Variants in TIAM2 observed in about 807,000 individuals in gnomAD.
The protein encoded by TIAM2 is rho guanine nucleotide exchange factor TIAM2.
A neutral mutation model predicts 152.9 loss-of-function variants in TIAM2; 80 were observed. That is an observed-to-expected ratio of 0.52 (90% CI 0.44 to 0.63). TIAM2 has a LOEUF of 0.63. Among genes scored for constraint, TIAM2 ranks in the 30% least tolerant of loss-of-function variants. The probability of loss-of-function intolerance (pLI) is 0.00; values close to 1 mark genes in which losing one functional copy is unlikely to be tolerated. For missense variants in TIAM2, 1,965 were observed against 2,120.1 expected, an observed-to-expected ratio of 0.93 and a Z score of 1.44; for synonymous variants, 804 against 838.0, an observed-to-expected ratio of 0.96 and a Z score of 0.70.
At chr6:155,097,623 G>A (rs1778446268) in intron 2 of TIAM2, among the ~76,000 whole-genome samples, 1 of 152,190 alleles carries the variant, frequency 6.6e-6, no homozygotes, top group Admixed American at 6.5e-5. Flanking sequence ...TTACAGGTGT[G>A]AGCCACCATG....
chr6:155,151,994 G>A (rs2151957), intron 7 of TIAM2, among the ~76,000 whole-genome samples: 77,733 of 151,390 alleles, frequency 0.51, 20,505 homozygotes, highest in South Asian at 0.59. Context: ...ACAGGCGCCC[G>A]CCACCACGCC....
At chr6:155,089,333 A>G (rs1462577387) in intron 1 of TIAM2, among the ~76,000 whole-genome samples, 1 of 152,096 alleles carries the variant, frequency 6.6e-6, no homozygotes, top group Non-Finnish European at 1.5e-5. Flanking sequence ...CAGCCTCCCA[A>G]GTAGTGGGGA....
chr6:155,125,836 T>C (rs1043602377), intron 2 of TIAM2, among the ~76,000 whole-genome samples: 1 of 150,880 alleles, frequency 6.6e-6, no homozygotes, highest in Non-Finnish European at 1.5e-5. Context: ...AGACTCTGTC[T>C]CCAAAAAAAG....
chr6:155,250,863 T>G, intron 21 of TIAM2, 50 bp from the exon 22 acceptor site: 2 of 1,567,758 alleles, frequency 1.3e-6, no homozygotes, highest in South Asian at 2.2e-5. Flanking sequence ...CAAGAGATCA[T>G]CTAGCCTGGG....
intron 25 of TIAM2, 81 bp downstream of exon 25, chr6:155,254,141 T>C: frequency 2.1e-6 from 3 of 1,443,094 alleles, no homozygotes; most frequent in Non-Finnish European, 2.8e-6. Flanking sequence ...TTTAGTGCCC[T>C]CCTGAATTTT....
chr6:155,126,141 C>T (rs1027779620), intron 2 of TIAM2, among the ~76,000 whole-genome samples: 4 of 152,146 alleles, frequency 2.6e-5, no homozygotes, highest in African/African-American at 7.2e-5. Flanking sequence ...GCTATTCAGC[C>T]TTAACAAGGA....
At chr6:155,082,159 C>CA (rs1296189151) in intron 1 of TIAM2, among the ~76,000 whole-genome samples, 1 of 152,012 alleles carries the variant, frequency 6.6e-6, no homozygotes, top group Non-Finnish European at 1.5e-5. Context: ...GCCTGGGTGA[C>CA]ACAGTGAGAC....
rs1456632794 is a variant in TIAM2, at chr6:155,248,083, A to G, written c.3736A>G (p.Ile1246Val). The change falls in exon 20 of 27, where the codon ATC becomes GTC. Residue 1246 changes from isoleucine (I) to valine (V), a missense_variant. Transcript: ENST00000682666. ...TTCCTCCACGCTGGAGTCCTACCTCATCAAGCCGGTTCAGAGAGTGCTCAA... is the reference window on the plus strand; with the variant it reads ...TTCCTCCACGCTGGAGTCCTACCTCGTCAAGCCGGTTCAGAGAGTGCTCAA... ...QHSSTLESYL[I>V]KPVQRVLKYP... 3.7e-6 allele frequency: 6 copies of G among 1,614,214 alleles called. No homozygotes were observed. Among genetic ancestry groups the G allele is most frequent in the Non-Finnish European group, 5.1e-6 (6 of 1,180,038 alleles).
rs112622738 is a variant in TIAM2 at position 155,164,671 on chromosome 6, T to C, written c.2214+71T>C. 3.0e-4 allele frequency: 461 copies of C among 1,530,592 alleles called. No individual in the cohort carries two copies. The African/African-American group carries it at 5.4e-3, about 18-fold the overall frequency. The allele number at this position is 1,530,592 out of a possible 1,614,324, so 94.8% of individuals were successfully genotyped here. A position where few individuals can be genotyped will look rare whatever the true frequency, so the allele number is the denominator to read the frequency against. The stretch of plus-strand genomic sequence containing the variant: ...GCGGATGCTCCCCCTTTCTTCAGCT[T>C]GTTGCCATCGGCACTTGTGGGGCTT... On this transcript the variant is annotated intron_variant, in intron 8 of 26. Transcript: ENST00000682666.
At chr6:155,050,239 C>A (rs1777287748) in intron 1 of TIAM2, among the ~76,000 whole-genome samples, 1 of 152,146 alleles carries the variant, frequency 6.6e-6, no homozygotes, top group African/African-American at 2.4e-5. Flanking sequence ...ACCATGTTGG[C>A]CAGGCTGGTC....
rs1301452208 is a variant in TIAM2, at chr6:155,114,034, ATATTTTTTTTTTTTTCTTT to A, written c.-117-13454_-117-13436del. 5.6e-4 allele frequency among the ~76,000 whole-genome samples: 21 copies of A among 37,768 alleles called. 1 individual carries two copies. The highest frequency in any genetic ancestry group is 2.7e-3 in the African/African-American group (21 of 7,912). 24.8% of individuals were successfully genotyped at this position (37,768 alleles called of 152,430 possible). ...TTACTTTATATATATATATATATAT[ATATTTTTTTTTTTTTCTTT>A]TTTTTTTTTTTTTTTTTTGAAATGG... On this transcript the variant is annotated intron_variant, in intron 2 of 26. Coordinates refer to ENST00000682666, the MANE Select transcript of TIAM2 (RefSeq NM_012454.4).
chr6:155,063,713 T>A (rs551067534), intron 1 of TIAM2, among the ~76,000 whole-genome samples: 7 of 134,442 alleles, frequency 5.2e-5, no homozygotes, highest in Non-Finnish European at 9.1e-5. Flanking sequence ...ACCCAGGAGG[T>A]GGAGGTTTAA....
intron 2 of TIAM2, among the ~76,000 whole-genome samples, chr6:155,103,459 C>G (rs1778592739): frequency 1.3e-5 from 2 of 152,120 alleles, no homozygotes; most frequent in African/African-American, 4.8e-5. Context: ...CGCGGTAGCT[C>G]ACGCCTGTAA....
rs139080393 is a variant in TIAM2, at chr6:155,254,517, C to T, written c.4412C>T (p.Thr1471Met). 931 of 1,614,102 alleles carry T rather than the reference C, an allele frequency of 5.8e-4. 6 individuals carry two copies. The highest frequency in any genetic ancestry group is 3.0e-3 in the Middle Eastern group (18 of 6,062). ...AAGTGTGAATTACCACTGGAGAAAA[C>T]GTGTAAGGATCGCCTGGTACCTCTT... is the stretch of plus-strand genomic sequence containing the variant. ...HIKCELPLEKTCKDRLVPLKN... is the reference protein window; with the variant it reads ...HIKCELPLEKMCKDRLVPLKN... Residue 1471 changes from threonine (T) to methionine (M), a missense_variant, in exon 26 of 27, where the codon ACG becomes ATG. Around this residue, in one of 3 missense-constraint regions of TIAM2, gnomAD observed 935 missense variants for 980.0 expected, o/e 0.95. Transcript: ENST00000682666.
chr6:155,002,009 G>T (rs927943320), intron 1 of TIAM2, among the ~76,000 whole-genome samples: 1 of 152,194 alleles, frequency 6.6e-6, no homozygotes, highest in Non-Finnish European at 1.5e-5. Flanking sequence ...TTATATTGTT[G>T]TTGTCTAGTA....
intron 3 of TIAM2, among the ~76,000 whole-genome samples, chr6:155,127,919 C>A (rs994778941): frequency 2.0e-5 from 3 of 152,196 alleles, no homozygotes; most frequent in Admixed American, 2.0e-4. Context: ...GTAGTTCCAG[C>A]TACTTGGGAG....
chr6:155,187,573 C>CCTTTTTTTTT (rs1189509294), intron 14 of TIAM2, among the ~76,000 whole-genome samples: 20 of 49,618 alleles, frequency 4.0e-4, no homozygotes, highest in African/African-American at 9.5e-4. Flanking sequence ...ACCCCGCCCC[C>CCTTTTTTTTT]TTTTTTTTTT....
Position 155,156,878 on chromosome 6 carries a change from C to T in TIAM2, c.2029-7537C>T, listed in dbSNP as rs1780131206. Among the ~76,000 whole-genome samples, 1 of 152,142 alleles carries T rather than the reference C, an allele frequency of 6.6e-6. No homozygotes were observed. Among genetic ancestry groups the T allele is most frequent in the South Asian group, 2.1e-4 (1 of 4,828 alleles). ...CTCCGCCCTCTTCATCTGGCTCACC[C>T]CTTCTCGACTGTCATGAAGGGTTTA... is the stretch of plus-strand genomic sequence containing the variant. On this transcript the variant is annotated intron_variant, in intron 7 of 26. Transcript: ENST00000682666. The surrounding 1 kb of genome is among the most constrained non-coding windows in gnomAD (Gnocchi z 4.4).
chr6:155,079,941 T>G lies in TIAM2; in HGVS notation c.-208-10348T>G, dbSNP rs920728665. On this transcript the variant is annotated intron_variant, in intron 1 of 26. Coordinates refer to ENST00000682666, the MANE Select transcript of TIAM2 (RefSeq NM_012454.4). ...CCAGCCTGGTTAATAGAGTGAGACCTTGTCTCAGAAACAAAAAACAAAAAA... is the reference window on the plus strand; with the variant it reads ...CCAGCCTGGTTAATAGAGTGAGACCGTGTCTCAGAAACAAAAAACAAAAAA... Among the ~76,000 whole-genome samples, 3 of 152,112 alleles carry G rather than the reference T, an allele frequency of 2.0e-5. No homozygotes were observed. The East Asian group carries it at 5.8e-4, about 29-fold the overall frequency.
Sources: gnomAD v4.1 joint callset for allele counts (sites outside exome capture counted in the v4.1 genomes callset) on GRCh38, gnomAD v4.1.1 for gene constraint, gnomAD v4.1.1 regional missense constraint, Gnocchi (gnomAD v3.1) non-coding constraint, MANE v1.5 for transcripts, NCBI Gene and HGNC (gene_info 2026-07-23, HGNC 2026-07-21) for gene names.